The following NPFFR2 variants were observed in gnomAD, a reference collection of about 807,000 sequenced individuals.
NPFFR2 encodes the protein G-protein coupled receptor 74.
Under a neutral mutation model 13.1 loss-of-function variants are expected in NPFFR2, and 15 were observed. The ratio of observed to expected loss-of-function variants is 1.15; its 90% CI spans 0.77 to 1.76. The LOEUF (loss-of-function observed/expected upper bound fraction) is 1.76. Among genes scored for constraint, NPFFR2 ranks in the 40% most tolerant of loss-of-function variants. The probability of loss-of-function intolerance (pLI) is 0.00; values close to 1 mark genes in which losing one functional copy is unlikely to be tolerated. For missense variants in NPFFR2, 572 were observed against 503.5 expected, an observed-to-expected ratio of 1.14 and a Z score of -1.30; for synonymous variants, 190 against 175.7, an observed-to-expected ratio of 1.08 and a Z score of -0.65.
At chr4:72,059,605 T>G (rs1411848847) in intron 1 of NPFFR2, among the ~76,000 whole-genome samples, 4 of 152,110 alleles carry the variant, frequency 2.6e-5, no homozygotes. Flanking sequence ...TGCTTTTGGT[T>G]TACTATCTTT....
Position 72,147,673 on chromosome 4 carries a change from C to T in NPFFR2, c.1124C>T (p.Thr375Ile), listed in dbSNP as rs1296816189. Residue 375 changes from threonine (T) to isoleucine (I), a missense_variant, in exon 4 of 4, where the codon ACA becomes ATA. Transcript: ENST00000308744. ...GCTAAAAGCCATGTGCTCATAAACA[C>T]ATCTAATCAGCTTGTCCAGGAATCT... ...LKAKSHVLIN[T>I]SNQLVQESTF... is the part of the protein sequence containing the mutation. 3 of 1,614,154 alleles carry T rather than the reference C, an allele frequency of 1.9e-6. No homozygotes were observed. The highest frequency in any genetic ancestry group is 2.2e-5 in the East Asian group (1 of 44,876).
chr4:72,146,377 A>T (rs958204873), intron 3 of NPFFR2, among the ~76,000 whole-genome samples: 2 of 152,186 alleles, frequency 1.3e-5, no homozygotes, highest in African/African-American at 4.8e-5. Flanking sequence ...GACCTGCCCC[A>T]CATGCAAGTG....
In NPFFR2 at chr4:72,134,509, A is replaced by G. The variant is rs1192232227; in HGVS notation, c.329-3531A>G. 8.5e-5 allele frequency among the ~76,000 whole-genome samples: 13 copies of G among 152,206 alleles called. No homozygotes were observed. The East Asian group carries it at 2.5e-3, about 29-fold the overall frequency. On this transcript the variant is annotated intron_variant, in intron 2 of 3. Coordinates refer to ENST00000308744, the MANE Select transcript of NPFFR2 (RefSeq NM_004885.3). ...CATTCTCCTGGTATAATTATATCAC[A>G]ATTTTTGTTTGAATCAACATACAGA...
At chr4:72,090,124 A>G (rs1720877559) in intron 1 of NPFFR2, among the ~76,000 whole-genome samples, 2 of 152,124 alleles carry the variant, frequency 1.3e-5, no homozygotes, top group African/African-American at 4.8e-5. Flanking sequence ...GTCGAAGACC[A>G]GTTGGCTTTA....
intron 1 of NPFFR2, among the ~76,000 whole-genome samples, chr4:72,117,910 T>A (rs1319796326): frequency 6.6e-6 from 1 of 152,162 alleles, no homozygotes; most frequent in African/African-American, 2.4e-5. Context: ...GCTTGTGTTC[T>A]GGTAGCACTA....
intron 1 of NPFFR2, among the ~76,000 whole-genome samples, chr4:72,049,350 C>T (rs183337388): frequency 1.3e-5 from 2 of 152,170 alleles, no homozygotes; most frequent in Admixed American, 1.3e-4. Context: ...TCATAAAAGA[C>T]ATATATGTGT....
chr4:72,053,990 G>C, intron 1 of NPFFR2, among the ~76,000 whole-genome samples: 1 of 151,706 alleles, frequency 6.6e-6, no homozygotes, highest in East Asian at 1.9e-4. Context: ...CATATTTTGA[G>C]TCTACATTTA....
At chr4:72,144,313 C>A (rs1722713258) in intron 3 of NPFFR2, among the ~76,000 whole-genome samples, 1 of 151,992 alleles carries the variant, frequency 6.6e-6, no homozygotes, top group South Asian at 2.1e-4. Context: ...GGTTTGTGTC[C>A]CAGAAGAGAG....
chr4:72,056,879 A>T (rs371343702), intron 1 of NPFFR2, among the ~76,000 whole-genome samples: 40 of 152,062 alleles, frequency 2.6e-4, no homozygotes, highest in African/African-American at 9.1e-4. Context: ...CAATGTCATA[A>T]TCAAACTTAA....
At chr4:72,141,263 G>T (rs763908771) in intron 3 of NPFFR2, among the ~76,000 whole-genome samples, 6 of 151,450 alleles carry the variant, frequency 4.0e-5, no homozygotes, top group Non-Finnish European at 8.8e-5. Flanking sequence ...ATCTCCTTCA[G>T]TTCTGCTCTG....
chr4:72,077,924 G>T (rs1400718496), intron 1 of NPFFR2, among the ~76,000 whole-genome samples: 1 of 152,050 alleles, frequency 6.6e-6, no homozygotes, highest in Non-Finnish European at 1.5e-5. Flanking sequence ...TTGCAATTTT[G>T]AAGTAGAGAT....
intron 1 of NPFFR2, among the ~76,000 whole-genome samples, chr4:72,053,500 A>C (rs1719652181): frequency 6.6e-6 from 1 of 151,928 alleles, no homozygotes; most frequent in South Asian, 2.1e-4. Context: ...AAGCATATGC[A>C]TTTTATACAT....
intron 1 of NPFFR2, among the ~76,000 whole-genome samples, chr4:72,100,733 A>C (rs1483427444): frequency 1.3e-5 from 2 of 152,070 alleles, no homozygotes; most frequent in Non-Finnish European, 2.9e-5. Flanking sequence ...CTTGAATTTG[A>C]CAAGTATAAC....
chr4:72,148,122 C>T lies in NPFFR2; in HGVS notation c.*310C>T, dbSNP rs780095320. The T allele has an allele frequency of 5.0e-4, 121 of 240,916 alleles. 1 individual carries two copies. Among genetic ancestry groups the T allele is most frequent in the Middle Eastern group, 2.9e-3 (2 of 694 alleles). 14.9% of individuals were successfully genotyped at this position (240,916 alleles called of 1,614,324 possible). On this transcript the variant is annotated 3_prime_UTR_variant, in exon 4 of 4. Coordinates refer to ENST00000308744, the MANE Select transcript of NPFFR2 (RefSeq NM_004885.3). Reference sequence around the variant, plus strand: ...GTATGCGTCAAATCAAGCCTGCACGCGTGCGTGCATGTGTGTGTGTATTTT... The same window carrying T: ...GTATGCGTCAAATCAAGCCTGCACGTGTGCGTGCATGTGTGTGTGTATTTT...
At chr4:72,032,329 TC>T (rs745830648) in intron 1 of NPFFR2, 129 bp downstream of exon 1, 19 of 1,064,528 alleles carry the variant, frequency 1.8e-5, no homozygotes, top group Middle Eastern at 3.1e-4. Flanking sequence ...TCAAATCCCT[TC>T]CTAATTACAC....
intron 1 of NPFFR2, among the ~76,000 whole-genome samples, chr4:72,075,684 G>T (rs2109788129): frequency 6.6e-6 from 1 of 152,100 alleles, no homozygotes; most frequent in Non-Finnish European, 1.5e-5. Flanking sequence ...AACAAATACT[G>T]TATGATTCCA....
chr4:72,130,317 GTC>G (rs1442988420), intron 2 of NPFFR2, among the ~76,000 whole-genome samples: 2 of 152,162 alleles, frequency 1.3e-5, no homozygotes, highest in Non-Finnish European at 2.9e-5. Flanking sequence ...TATGTCTTCA[GTC>G]TGACATAAGT....
intron 1 of NPFFR2, among the ~76,000 whole-genome samples, chr4:72,127,147 A>C (rs1463589203): frequency 6.7e-6 from 1 of 149,954 alleles, no homozygotes; most frequent in Non-Finnish European, 1.5e-5. Context: ...CTAAAAATAC[A>C]AAAAAAATTC....
chr4:72,087,435 G>T (rs1179707251), intron 1 of NPFFR2, among the ~76,000 whole-genome samples: 1 of 152,012 alleles, frequency 6.6e-6, no homozygotes, highest in African/African-American at 2.4e-5. Flanking sequence ...TACAGATATT[G>T]TTACAGGAAA....
Sources: gnomAD v4.1 joint callset for allele counts (sites outside exome capture counted in the v4.1 genomes callset) on GRCh38, gnomAD v4.1.1 for gene constraint, MANE v1.5 for transcripts, NCBI Gene and HGNC (gene_info 2026-07-23, HGNC 2026-07-21) for gene names.